The following SPHKAP variants were observed in gnomAD, a reference collection of about 807,000 sequenced individuals.
SPHKAP encodes the protein A-kinase anchor protein SPHKAP.
A neutral mutation model predicts 137.5 loss-of-function variants in SPHKAP; 67 were observed. That is an observed-to-expected ratio of 0.49 (90% CI 0.40 to 0.60). The LOEUF is 0.60. Among genes scored for constraint, SPHKAP ranks in the 20% least tolerant of loss-of-function variants. The pLI, the probability that SPHKAP is intolerant of heterozygous loss-of-function variation, is 0.00. For synonymous variants in SPHKAP, 813 were observed against 785.3 expected (o/e 1.04, Z -0.59); for missense variants, 2,097 against 2,069.3 (o/e 1.01, Z -0.26).
intron 1 of SPHKAP, among the ~76,000 whole-genome samples, chr2:228,168,971 A>C (rs142230884): frequency 0.011 from 1,638 of 152,314 alleles, 8 homozygotes; most frequent in Middle Eastern, 0.027. Flanking sequence ...CTGGACATAC[A>C]ATCAAGCCAA....
rs61240096 is a variant in SPHKAP, at chr2:228,133,306, CAAATAAAT to C, written c.33-1229_33-1222del. 1.5e-3 allele frequency among the ~76,000 whole-genome samples: 230 copies of C among 148,424 alleles called. 1 individual carries two copies. Among genetic ancestry groups the C allele is most frequent in the African/African-American group, 3.0e-3 (118 of 39,924 alleles). ...TGGGCCACAGAGTGAGACTCCATCT[CAAATAAAT>C]AAATAAATAAATAAATAAATAAATA... On this transcript the variant is annotated intron_variant, in intron 1 of 11. Coordinates refer to ENST00000392056, the MANE Select transcript of SPHKAP (RefSeq NM_001142644.2).
At chr2:228,054,261 A>G (rs888897436) in intron 3 of SPHKAP, among the ~76,000 whole-genome samples, 1 of 152,124 alleles carries the variant, frequency 6.6e-6, no homozygotes, top group Non-Finnish European at 1.5e-5. Context: ...AAAATCCTGA[A>G]TTGTTTCGAT....
intron 3 of SPHKAP, among the ~76,000 whole-genome samples, chr2:228,095,762 G>A (rs554812474): frequency 6.6e-6 from 1 of 152,262 alleles, no homozygotes; most frequent in African/African-American, 2.4e-5. Flanking sequence ...TTGGAGAAAC[G>A]TAAGTATTTG....
chr2:228,058,653 C>G (rs1197054969), intron 3 of SPHKAP, among the ~76,000 whole-genome samples: 1 of 152,216 alleles, frequency 6.6e-6, no homozygotes, highest in Non-Finnish European at 1.5e-5. Context: ...CCTACACACA[C>G]AGATTTCCCA....
chr2:228,115,333 T>TG (rs766231170), intron 2 of SPHKAP, among the ~76,000 whole-genome samples: 6 of 152,102 alleles, frequency 3.9e-5, no homozygotes, highest in Non-Finnish European at 7.4e-5. Context: ...GGACTATTCA[T>TG]GTCTACACAC....
At chr2:227,998,338 G>C (rs1341654604) in intron 7 of SPHKAP, among the ~76,000 whole-genome samples, 1 of 152,154 alleles carries the variant, frequency 6.6e-6, no homozygotes, top group Non-Finnish European at 1.5e-5. Context: ...TCAGGTATGA[G>C]TGCCCTTTGC....
rs764113879 is a variant in SPHKAP at position 228,016,782 on chromosome 2, T to C, written c.4072A>G (p.Ser1358Gly). The C allele has an allele frequency of 1.2e-6, 2 of 1,614,090 alleles. No homozygotes were observed. The highest frequency in any genetic ancestry group is 1.1e-5 in the South Asian group (1 of 91,070). Residue 1358 changes from serine (S) to glycine (G), a missense_variant, in exon 7 of 12, where the codon AGT becomes GGT. Physicochemically the swap from Ser to Gly is moderately conservative, Grantham distance 56. Coordinates refer to ENST00000392056, the MANE Select transcript of SPHKAP (RefSeq NM_001142644.2). ...ANRLAASRMC[S>G]GPTLLVQESL... ...TCCTGAACAAGCAGAGTTGGCCCAC[T>C]GCACATCCTGCTCGCAGCTAATCTA...
chr2:228,103,116 C>T (rs1396261552), intron 3 of SPHKAP, among the ~76,000 whole-genome samples: 2 of 152,174 alleles, frequency 1.3e-5, no homozygotes, highest in Admixed American at 6.5e-5. Flanking sequence ...GATGTTGAGT[C>T]ACCTGGCTGC....
intron 1 of SPHKAP, among the ~76,000 whole-genome samples, chr2:228,137,479 T>C (rs1338860939): frequency 6.6e-6 from 1 of 152,262 alleles, no homozygotes; most frequent in East Asian, 1.9e-4. Context: ...TCTGCTGTTA[T>C]GCTTGCTAAA....
intron 3 of SPHKAP, among the ~76,000 whole-genome samples, chr2:228,034,921 A>T (rs1024765371): frequency 1.3e-5 from 2 of 151,756 alleles, no homozygotes; most frequent in Non-Finnish European, 2.9e-5. Flanking sequence ...CACAGCCAAT[A>T]TCATTCCGGA....
intron 1 of SPHKAP, among the ~76,000 whole-genome samples, chr2:228,142,257 A>G (rs1028019222): frequency 6.6e-6 from 1 of 152,218 alleles, no homozygotes; most frequent in African/African-American, 2.4e-5. Context: ...CAGAGTGTAC[A>G]TTTTAAGAAA....
intron 3 of SPHKAP, among the ~76,000 whole-genome samples, chr2:228,034,832 G>A (rs144487317): frequency 3.9e-5 from 6 of 151,988 alleles, no homozygotes; most frequent in Admixed American, 2.0e-4. Flanking sequence ...ATTCAACAAC[G>A]CTTCATGCTA....
At chr2:228,108,226 A>G (rs1444042479) in intron 3 of SPHKAP, among the ~76,000 whole-genome samples, 1 of 152,186 alleles carries the variant, frequency 6.6e-6, no homozygotes, top group African/African-American at 2.4e-5. Flanking sequence ...AGTTTTCTCT[A>G]ACATATAGGA....
At position 228,018,821 on chromosome 2, in the gene SPHKAP, T is replaced by C. The variant is rs1438343957; in HGVS notation, c.2033A>G (p.His678Arg). 1.2e-6 allele frequency: 2 copies of C among 1,614,120 alleles called. No homozygotes were observed. The highest frequency in any genetic ancestry group is 1.7e-6 in the Non-Finnish European group (2 of 1,180,042). The change falls in exon 7 of 12, where the codon CAT becomes CGT. Residue 678 changes from histidine (H) to arginine (R), a missense_variant. Coordinates refer to ENST00000392056, the MANE Select transcript of SPHKAP (RefSeq NM_001142644.2). ...TTTGTGGTGAACTTCATCAATGGAATGCCTCAGGATAACATTGGACAGGGT... is the reference window on the plus strand; with the variant it reads ...TTTGTGGTGAACTTCATCAATGGAACGCCTCAGGATAACATTGGACAGGGT... ...AHTLSNVILRHSIDEVHHKNM... is the reference protein window; with the variant it reads ...AHTLSNVILRRSIDEVHHKNM...
chr2:228,051,839 C>T (rs1696264819), intron 3 of SPHKAP, among the ~76,000 whole-genome samples: 1 of 152,194 alleles, frequency 6.6e-6, no homozygotes, highest in South Asian at 2.1e-4. Context: ...TGCCTTCTTG[C>T]TTCATCCTCA....
intron 2 of SPHKAP, among the ~76,000 whole-genome samples, chr2:228,126,476 A>C (rs1699079176): frequency 6.6e-6 from 1 of 152,002 alleles, no homozygotes. Flanking sequence ...AATTGTCACC[A>C]CTCCATTAAG....
chr2:228,036,799 T>C (rs4973066), intron 3 of SPHKAP, among the ~76,000 whole-genome samples: 57,909 of 151,276 alleles, frequency 0.38, 11,522 homozygotes, highest in South Asian at 0.51. Flanking sequence ...AACCAGACAC[T>C]GCATGTTCTC....
rs1342914691 is a variant in SPHKAP, at chr2:228,018,679, A to T, written c.2175T>A (p.Ser725Arg). The T allele has an allele frequency of 6.2e-7, 1 of 1,614,090 alleles. No individual in the cohort carries two copies. The highest frequency in any genetic ancestry group is 1.1e-5 in the South Asian group (1 of 91,082). Residue 725 changes from serine to arginine, a missense_variant, in exon 7 of 12, where the codon AGT (serine) becomes AGA (arginine). Transcript: ENST00000392056. ...DVICFTFKKM[S>R]HIVRLGECPA... ...GACATTCACCAAGCCGTACAATATG[A>T]CTCATCTTCTTGAACGTGAAGCATA...
intron 1 of SPHKAP, among the ~76,000 whole-genome samples, chr2:228,143,582 G>A (rs1699673222): frequency 6.6e-6 from 1 of 151,134 alleles, no homozygotes. Context: ...TGCAACCTCC[G>A]CCTCCCTGGT....
Sources: allele counts gnomAD v4.1 joint callset (sites outside exome capture counted in the v4.1 genomes callset), GRCh38; gene constraint gnomAD v4.1.1; transcripts MANE v1.5; gene names NCBI Gene and HGNC (gene_info 2026-07-23, HGNC 2026-07-21).